The following C4orf51 variants were observed in gnomAD, a reference collection of about 807,000 sequenced individuals.
The protein encoded by C4orf51 is chromosome 4 open reading frame 51, also known as uncharacterized protein C4orf51.
C4orf51 carries 25 observed loss-of-function variants against 25.2 expected under a neutral mutation model. That is an observed-to-expected ratio of 0.99 (90% confidence interval 0.72 to 1.39). C4orf51 has a LOEUF of 1.39. Ranked by LOEUF, C4orf51 falls within the 40% of genes most tolerant of loss-of-function variation. The pLI is 0.00. For missense variants in C4orf51, 252 were observed against 239.6 expected (o/e 1.05, Z -0.34); for synonymous variants, 100 against 84.5 (o/e 1.18, Z -1.01).
At chr4:145,778,134 A>C in the C4orf51 span, among the ~76,000 whole-genome samples, 1 of 152,004 alleles carries the variant, frequency 6.6e-6, no homozygotes, top group Admixed American at 6.6e-5. Context: ...TCTACAAAAA[A>C]CTTTTTGTTT....
intron 1 of C4orf51, among the ~76,000 whole-genome samples, chr4:145,686,464 C>G (rs893960345): frequency 6.6e-6 from 1 of 152,120 alleles, no homozygotes; most frequent in Non-Finnish European, 1.5e-5. Flanking sequence ...AAGGACAGAA[C>G]TTGTAGAATG....
At chr4:145,743,421 C>T (rs1247153019) in intron 1 of C4orf51, among the ~76,000 whole-genome samples, 2 of 152,138 alleles carry the variant, frequency 1.3e-5, no homozygotes, top group African/African-American at 2.4e-5. Flanking sequence ...GCGGGCTTAA[C>T]TCATCTTTTT....
At chr4:145,733,084 G>A (rs897201641), downstream of C4orf51, among the ~76,000 whole-genome samples, 1 of 152,112 alleles carries the variant, frequency 6.6e-6, no homozygotes, top group Non-Finnish European at 1.5e-5. Flanking sequence ...CAGGGGCGGA[G>A]TCGTGGCCCT....
intron 2 of C4orf51, among the ~76,000 whole-genome samples, chr4:145,702,673 G>A (rs1162175174): frequency 6.6e-6 from 1 of 152,128 alleles, no homozygotes; most frequent in African/African-American, 2.4e-5. Context: ...AATCTTTGCT[G>A]GCAGAACTAT....
At chr4:145,712,395 T>C (rs140935811) in intron 2 of C4orf51, among the ~76,000 whole-genome samples, 37 of 152,246 alleles carry the variant, frequency 2.4e-4, no homozygotes, top group African/African-American at 7.0e-4. Flanking sequence ...TTAAAGGTGC[T>C]ACTCCAGTGA....
At chr4:145,767,760 T>A (rs1455008602) in intron 1 of C4orf51, among the ~76,000 whole-genome samples, 1 of 152,086 alleles carries the variant, frequency 6.6e-6, no homozygotes, top group Non-Finnish European at 1.5e-5. Context: ...TTATACCCAG[T>A]GAAAATATAT....
At chr4:145,716,934 A>G (rs1460026342) in intron 2 of C4orf51, among the ~76,000 whole-genome samples, 8 of 152,214 alleles carry the variant, frequency 5.3e-5, no homozygotes, top group Admixed American at 5.2e-4. Flanking sequence ...TTCCCTTTGC[A>G]GTAAAGAACA....
At chr4:145,708,683 C>G (rs1387510586) in intron 2 of C4orf51, among the ~76,000 whole-genome samples, 1 of 152,168 alleles carries the variant, frequency 6.6e-6, no homozygotes, top group African/African-American at 2.4e-5. Context: ...CCATATACCC[C>G]TAACCTTGCC....
chr4:145,703,451 T>C (rs1730597755), intron 2 of C4orf51, among the ~76,000 whole-genome samples: 1 of 152,206 alleles, frequency 6.6e-6, no homozygotes, highest in Non-Finnish European at 1.5e-5. Flanking sequence ...GATTAAAAGC[T>C]TTATTGCTCA....
At chr4:145,732,846 C>T, downstream of C4orf51, 1 of 221,782 alleles carries the variant, frequency 4.5e-6, no homozygotes, top group Non-Finnish European at 8.8e-6. Context: ...GGTGCTGCGG[C>T]CCCGACCGTC....
At chr4:145,753,214 A>T (rs1024305612) in intron 1 of C4orf51, among the ~76,000 whole-genome samples, 3 of 149,864 alleles carry the variant, frequency 2.0e-5, no homozygotes, top group South Asian at 4.2e-4. Flanking sequence ...TGGGGGAAAA[A>T]GAGGACGATT....
In C4orf51 at chr4:145,721,972, G is replaced by A. The variant is rs12504392; in HGVS notation, c.308-4939G>A. On this transcript the variant is annotated intron_variant, in intron 2 of 5. Coordinates refer to ENST00000438731, the MANE Select transcript of C4orf51 (RefSeq NM_001080531.3). ...TCAAATGTAATTTGGGATGCTCCTT[G>A]GTGATTTTCCTTTTTTTGTGTGTGT... Among the ~76,000 whole-genome samples the A allele has an allele frequency of 3.7e-3, 568 of 152,216 alleles. 2 individuals are homozygous for A. The highest frequency in any genetic ancestry group is 7.6e-3 in the Admixed American group (117 of 15,300).
chr4:145,690,651 A>G (rs1033076471), intron 1 of C4orf51, among the ~76,000 whole-genome samples: 3 of 152,232 alleles, frequency 2.0e-5, no homozygotes, highest in Admixed American at 6.5e-5. Flanking sequence ...ATTAAACCAC[A>G]GAGCTTCTGC....
chr4:145,706,679 C>T (rs533856654), intron 2 of C4orf51, among the ~76,000 whole-genome samples: 23 of 152,102 alleles, frequency 1.5e-4, no homozygotes, highest in African/African-American at 4.6e-4. Context: ...CTCGCTCTGT[C>T]GCCCAGCCTG....
At chr4:145,749,065 GTATA>G (rs70956871) in intron 1 of C4orf51, among the ~76,000 whole-genome samples, 1 of 116,098 alleles carries the variant, frequency 8.6e-6, no homozygotes, top group East Asian at 3.0e-4. Context: ...GTGTGTGTGT[GTATA>G]TATATATATA....
At position 145,694,027 on chromosome 4, in the gene C4orf51, C is replaced by T. The variant is rs1217239609; in HGVS notation, c.234-2532C>T. Reference sequence around the variant, plus strand: ...GCGGAGGGGCTCCTCACTTCTCAGACGGGGCGGCCGGGCAGAGACGCTCCT... The same window carrying T: ...GCGGAGGGGCTCCTCACTTCTCAGATGGGGCGGCCGGGCAGAGACGCTCCT... On this transcript the variant is annotated intron_variant, in intron 1 of 5. Transcript: ENST00000438731. Among the ~76,000 whole-genome samples the T allele has an allele frequency of 1.2e-4, 14 of 117,924 alleles. No homozygotes were observed. The South Asian group carries it at 3.2e-3, about 27-fold the overall frequency. 77.4% of individuals were successfully genotyped at this position (117,924 alleles called of 152,430 possible).
downstream of C4orf51, among the ~76,000 whole-genome samples, chr4:145,755,298 C>A (rs547872568): frequency 2.0e-5 from 3 of 152,154 alleles, no homozygotes; most frequent in Non-Finnish European, 2.9e-5. Context: ...AGCCTGACTC[C>A]AAGTAATCCA....
intron 2 of C4orf51, among the ~76,000 whole-genome samples, chr4:145,702,917 G>A (rs936171495): frequency 1.3e-5 from 2 of 151,188 alleles, no homozygotes; most frequent in Non-Finnish European, 2.9e-5. Context: ...AGGTTCCCAC[G>A]CCGCCCCTAA....
At chr4:145,750,681 TC>T (rs1432235057) in intron 1 of C4orf51, among the ~76,000 whole-genome samples, 3 of 152,178 alleles carry the variant, frequency 2.0e-5, no homozygotes, top group African/African-American at 7.2e-5. Context: ...TTGGTATCTT[TC>T]TCTAGGTTTG....
Sources: allele counts gnomAD v4.1 joint callset (sites outside exome capture counted in the v4.1 genomes callset), GRCh38; gene constraint gnomAD v4.1.1; transcripts MANE v1.5; gene names NCBI Gene and HGNC (gene_info 2026-07-23, HGNC 2026-07-21).